WNK3: variants seen among roughly 807,000 people sequenced by gnomAD.
The protein encoded by WNK3 is serine/threonine-protein kinase WNK3.
Under a neutral mutation model 116.7 loss-of-function variants are expected in WNK3, and 18 were observed. That is an observed-to-expected ratio of 0.15 (90% CI 0.11 to 0.23). The LOEUF is 0.23. Ranked by LOEUF, WNK3 falls within the 10% of genes least tolerant of loss-of-function variation. The pLI is 1.00. For missense variants in WNK3, 993 were observed against 1,323.8 expected (o/e 0.75, Z 3.88); for synonymous variants, 404 against 469.4 (o/e 0.86, Z 1.80).
chrX:54,318,359 CAA>C (rs1189388992), intron 2 of WNK3, among the ~76,000 whole-genome samples: 2 of 68,041 alleles, frequency 2.9e-5, no homozygotes, highest in Admixed American at 1.8e-4. Context: ...GACTCTGTCT[CAA>C]AAAAAAAAAA....
chrX:54,195,581 G>GA (rs1385324270), exon 24 of WNK3: 1 of 111,546 alleles, frequency 9.0e-6, no homozygotes, highest in Non-Finnish European at 1.9e-5. Context: ...TAAGTCATGG[G>GA]AAAAAATAAT....
intron 10 of WNK3, among the ~76,000 whole-genome samples, chrX:54,280,547 T>TA (rs782734925): frequency 1.3e-4 from 14 of 111,316 alleles, no homozygotes; most frequent in Non-Finnish European, 2.1e-4. Flanking sequence ...AATAATAACT[T>TA]AGGAAAAAAC....
At chrX:54,273,418 C>T (rs1201460886) in intron 10 of WNK3, among the ~76,000 whole-genome samples, 3 of 111,671 alleles carry the variant, frequency 2.7e-5, no homozygotes, top group Non-Finnish European at 5.6e-5. Flanking sequence ...CATGATGAAA[C>T]CCTGTCTCTA....
chrX:54,202,428 C>T (rs1239514276), intron 22 of WNK3, among the ~76,000 whole-genome samples: 3 of 111,087 alleles, frequency 2.7e-5, no homozygotes, highest in African/African-American at 6.6e-5. Context: ...CGCAGTGGCT[C>T]ACACCTGTAA....
intron 15 of WNK3, among the ~76,000 whole-genome samples, 186 bp from the exon 16 acceptor site, chrX:54,250,317 C>T (rs782269612): frequency 4.5e-5 from 5 of 111,618 alleles, no homozygotes; most frequent in South Asian, 3.8e-4. Context: ...ACTAAGCACA[C>T]AATATCTTTA....
At chrX:54,343,869 C>T (rs1442553174) in intron 1 of WNK3, among the ~76,000 whole-genome samples, 2 of 109,892 alleles carry the variant, frequency 1.8e-5, no homozygotes, top group Non-Finnish European at 3.8e-5. Flanking sequence ...CCACATTGCC[C>T]CGGCTCCTCT....
chrX:54,249,254 G>A (rs782431389), exon 17 of WNK3: 2 of 1,212,081 alleles, frequency 1.7e-6, no homozygotes, highest in East Asian at 5.9e-5. Context: ...AGAGTTGTAA[G>A]AGAGTTACCA....
intron 2 of WNK3, among the ~76,000 whole-genome samples, chrX:54,316,526 C>T (rs1399504029): frequency 3.3e-5 from 3 of 91,421 alleles, no homozygotes; most frequent in African/African-American, 4.2e-5. Context: ...GGCAATAGAG[C>T]GAGACTCCAT....
intron 1 of WNK3, among the ~76,000 whole-genome samples, chrX:54,339,171 AAC>A (rs2069285694): frequency 9.0e-6 from 1 of 111,233 alleles, no homozygotes; most frequent in African/African-American, 3.3e-5. Context: ...CGCATCTAAC[AAC>A]AGAGTCCCAA....
chrX:54,318,935 G>A lies in WNK3; in HGVS notation c.538-7644C>T, dbSNP rs149597181. 3.4e-3 allele frequency among the ~76,000 whole-genome samples: 370 copies of A among 109,199 alleles called. 2 individuals carry two copies. The highest frequency in any genetic ancestry group is 0.012 in the African/African-American group (346 of 30,034). 94.8% of individuals were successfully genotyped at this position (109,199 alleles called of 115,157 possible). A position where few individuals can be genotyped will look rare whatever the true frequency, so the allele number is the denominator to read the frequency against. ...TGGGATTACAGGTGCCCGCCATCAC[G>A]CCTGACTAATTTTTGTATTTTTAGT... is the stretch of plus-strand genomic sequence containing the variant. On this transcript the variant is annotated intron_variant, in intron 2 of 23. Coordinates refer to ENST00000354646, the Ensembl canonical transcript of WNK3.
rs782093532 is a variant in WNK3 at position 54,267,883 on chromosome X, A to T, written c.2038-8545T>A. On this transcript the variant is annotated intron_variant, in intron 10 of 23. Coordinates refer to ENST00000354646, the Ensembl canonical transcript of WNK3. The stretch of plus-strand genomic sequence containing the variant: ...GTTGCTATTTGTTGAGATGGGGATG[A>T]CAGTGAAAAGAGCAGGCTTGGGGTG... Among the ~76,000 whole-genome samples, 6 of 111,236 alleles carry T rather than the reference A, an allele frequency of 5.4e-5. No individual in the cohort carries two copies. The South Asian group carries it at 1.5e-3, about 29-fold the overall frequency.
intron 10 of WNK3, among the ~76,000 whole-genome samples, chrX:54,282,435 A>G (rs1557162720): frequency 9.0e-6 from 1 of 111,284 alleles, no homozygotes; most frequent in African/African-American, 3.3e-5. Context: ...GCCAACACTT[A>G]AAGAACACCT....
At chrX:54,290,570 C>T (rs2068627325) in intron 10 of WNK3, among the ~76,000 whole-genome samples, 1 of 111,686 alleles carries the variant, frequency 9.0e-6, no homozygotes, top group African/African-American at 3.2e-5. Flanking sequence ...TAACTGAATA[C>T]ACTAAGGGGT....
chrX:54,330,948 G>C (rs781947013), intron 2 of WNK3, among the ~76,000 whole-genome samples: 35 of 111,343 alleles, frequency 3.1e-4, no homozygotes, highest in African/African-American at 1.1e-3. Flanking sequence ...GGGAGGTGGA[G>C]GTTACAATGA....
chrX:54,242,486 A>C lies in WNK3; in HGVS notation c.3652-3387T>G, dbSNP rs147269335. On this transcript the variant is annotated intron_variant, in intron 17 of 23. Transcript: ENST00000354646. ...TAGCCAAAAAATATTTAAAAAGAAC[A>C]AAGTTGGAGGACTCACATTTCCTGA... is the stretch of plus-strand genomic sequence containing the variant. Among the ~76,000 whole-genome samples the C allele has an allele frequency of 2.8e-3, 318 of 112,406 alleles. 3 individuals carry two copies. Among genetic ancestry groups the C allele is most frequent in the African/African-American group, 9.4e-3 (291 of 31,011 alleles).
At chrX:54,222,669 G>T (rs1557146778) in intron 22 of WNK3, among the ~76,000 whole-genome samples, 3 of 108,431 alleles carry the variant, frequency 2.8e-5, no homozygotes, top group Non-Finnish European at 5.7e-5. Context: ...CTGAAGTCAG[G>T]AGTTTGAGGC....
chrX:54,296,278 C>T (rs781957825), intron 7 of WNK3, among the ~76,000 whole-genome samples: 9 of 111,082 alleles, frequency 8.1e-5, no homozygotes, highest in African/African-American at 2.9e-4. Context: ...ATCCCCAAAC[C>T]TGTGCATATG....
At chrX:54,250,074 G>A (rs959075562) in exon 16 of WNK3, 9 of 1,202,297 alleles carry the variant, frequency 7.5e-6, no homozygotes, top group Non-Finnish European at 1.0e-5. Context: ...GTTTCTTATC[G>A]TCTGATTGAT....
chrX:54,262,097 A>G (rs1425751207), intron 10 of WNK3, among the ~76,000 whole-genome samples: 2 of 112,126 alleles, frequency 1.8e-5, no homozygotes, highest in Non-Finnish European at 3.8e-5. Context: ...GGAAAATGGG[A>G]AAAATCACCT....
Sources: allele counts gnomAD v4.1 joint callset (sites outside exome capture counted in the v4.1 genomes callset), GRCh38; gene constraint gnomAD v4.1.1; transcripts MANE v1.5; gene names NCBI Gene and HGNC (gene_info 2026-07-23, HGNC 2026-07-21).